The following TRAM2 variants were observed in gnomAD, a reference collection of about 807,000 sequenced individuals.
TRAM2 encodes the protein translocation associated membrane protein 2.
A neutral mutation model predicts 51.0 loss-of-function variants in TRAM2; 12 were observed. The observed-to-expected ratio is 0.24, with a 90% confidence interval of 0.15 to 0.38. TRAM2 has a LOEUF of 0.38. Among genes scored for constraint, TRAM2 ranks in the 10% least tolerant of loss-of-function variants. The pLI, the probability that TRAM2 is intolerant of heterozygous loss-of-function variation, is 1.00. For synonymous variants in TRAM2, 175 were observed against 179.4 expected, an observed-to-expected ratio of 0.98 and a Z score of 0.20; for missense variants, 361 against 462.0, an observed-to-expected ratio of 0.78 and a Z score of 2.00.
At chr6:52,572,160 C>A (rs149538207) in intron 1 of TRAM2, among the ~76,000 whole-genome samples, 6 of 152,188 alleles carry the variant, frequency 3.9e-5, no homozygotes, top group African/African-American at 7.2e-5. Context: ...AGAACAAGAG[C>A]GCTCAAGAGA....
At chr6:52,557,108 G>T (rs553050439) in intron 1 of TRAM2, among the ~76,000 whole-genome samples, 2 of 151,786 alleles carry the variant, frequency 1.3e-5, no homozygotes, top group Non-Finnish European at 2.9e-5. Flanking sequence ...CAGGAGAATC[G>T]CATGGGCCTG....
At chr6:52,503,351 G>A in intron 10 of TRAM2, 81 bp from the exon 11 acceptor site, 3 of 1,339,008 alleles carry the variant, frequency 2.2e-6, no homozygotes, top group Non-Finnish European at 3.2e-6. Flanking sequence ...GCCAGGCCAA[G>A]GAAGGGGCCC....
chr6:52,503,355 G>A, intron 10 of TRAM2, 85 bp from the exon 11 acceptor site: 1 of 1,279,786 alleles, frequency 7.8e-7, no homozygotes, highest in African/African-American at 1.5e-5. Context: ...GGCCAAGGAA[G>A]GGGCCCGGGC....
At chr6:52,554,097 G>A (rs925290616) in intron 1 of TRAM2, among the ~76,000 whole-genome samples, 1 of 152,034 alleles carries the variant, frequency 6.6e-6, no homozygotes, top group Non-Finnish European at 1.5e-5. Flanking sequence ...TGAGCAAGAG[G>A]CTCTCCCAGG....
chr6:52,507,621 C>A lies in TRAM2; in HGVS notation c.558G>T (p.Glu186Asp). 1 of 1,614,078 alleles carries A rather than the reference C, an allele frequency of 6.2e-7. No homozygotes were observed. The highest frequency in any genetic ancestry group is 8.5e-7 in the Non-Finnish European group (1 of 1,179,996). The change falls in exon 7 of 11, where the codon GAG becomes GAT. Residue 186 changes from glutamate to aspartate, a missense_variant and splice_region_variant. Coordinates refer to ENST00000182527, the MANE Select transcript of TRAM2 (RefSeq NM_012288.4). The stretch of plus-strand genomic sequence containing the variant: ...TATACTGGAGCTGGCGGGGAATTTC[C>A]TCCTGGAAACAAGAGAAGCAGATGG... ...PELYFQKVRK[E>D]EIPRQLQYIC...
intron 1 of TRAM2, among the ~76,000 whole-genome samples, chr6:52,537,069 C>G (rs1766986984): frequency 6.6e-6 from 1 of 152,180 alleles, no homozygotes; most frequent in East Asian, 1.9e-4. Context: ...CAACCCTCTC[C>G]TTTAAAGAGC....
chr6:52,503,171 G>A lies in TRAM2; in HGVS notation c.*26C>T, dbSNP rs370974185. 50 of 1,605,144 alleles carry A rather than the reference G, an allele frequency of 3.1e-5. No homozygotes were observed. Among genetic ancestry groups the A allele is most frequent in the Non-Finnish European group, 3.8e-5 (44 of 1,172,228 alleles). On this transcript the variant is annotated 3_prime_UTR_variant, in exon 11 of 11. Transcript: ENST00000182527. ...GCCCCCTGCTCGGCCCCCACCAAGA[G>A]GATTCCTGTTCTTAGCACTTTGGCC...
intron 1 of TRAM2, among the ~76,000 whole-genome samples, chr6:52,557,140 C>T (rs897187473): frequency 1.3e-5 from 2 of 151,440 alleles, no homozygotes; most frequent in Non-Finnish European, 2.9e-5. Flanking sequence ...CTGCAGTGAG[C>T]CAAGATCACA....
rs936039667 is a variant in TRAM2 at position 52,535,788 on chromosome 6, G to A, written c.179C>T (p.Thr60Ile). 1 of 1,613,624 alleles carries A rather than the reference G, an allele frequency of 6.2e-7. No homozygotes were observed. Among genetic ancestry groups the A allele is most frequent in the Non-Finnish European group, 8.5e-7 (1 of 1,179,580 alleles). The change falls in exon 2 of 11, where the codon ACA (threonine) becomes ATA (isoleucine). Residue 60 changes from threonine (T) to isoleucine (I), a missense_variant. Transcript: ENST00000182527. ...ILPQYNISVP[T>I]ADSETVHYHY... is the part of the protein sequence containing the mutation. ...TGGAGACCAGTGATTCTTACCTGCT[G>A]TAGGCACGCTAATGTTATACTGAGG...
chr6:52,520,236 G>A (rs1386676772), intron 2 of TRAM2, among the ~76,000 whole-genome samples: 1 of 152,202 alleles, frequency 6.6e-6, no homozygotes, highest in Non-Finnish European at 1.5e-5. Flanking sequence ...AGAAGGTTGG[G>A]GACCTGCAGA....
At position 52,569,382 on chromosome 6, in the gene TRAM2, T is replaced by G. The variant is rs1464256511; in HGVS notation, c.120+7414A>C. 6.6e-5 allele frequency among the ~76,000 whole-genome samples: 5 copies of G among 76,242 alleles called. No homozygotes were observed. The East Asian group carries it at 1.8e-3, about 28-fold the overall frequency. The allele number at this position is 76,242 out of a possible 152,430, so 50.0% of individuals were successfully genotyped here. ...TCCAGCCTGGGCGACAAAGCAAGAC[T>G]CCATTTAAAAAAAAAAAAAAAAAAA... On this transcript the variant is annotated intron_variant, in intron 1 of 10. Transcript: ENST00000182527.
chr6:52,574,521 AAAG>A (rs1297090432), intron 1 of TRAM2, among the ~76,000 whole-genome samples: 1 of 152,178 alleles, frequency 6.6e-6, no homozygotes, highest in Non-Finnish European at 1.5e-5. Flanking sequence ...AGTACCTCCA[AAAG>A]AAGGAGACAC....
intron 1 of TRAM2, among the ~76,000 whole-genome samples, chr6:52,570,161 G>T (rs1165866927): frequency 1.3e-5 from 2 of 152,198 alleles, no homozygotes; most frequent in Admixed American, 6.5e-5. Flanking sequence ...GATGATAAGG[G>T]CAGTAAAAAT....
intron 1 of TRAM2, among the ~76,000 whole-genome samples, chr6:52,569,192 C>T (rs1053819701): frequency 6.6e-6 from 1 of 152,042 alleles, no homozygotes; most frequent in African/African-American, 2.4e-5. Context: ...GTCAGGAGTT[C>T]GAGACCAGCC....
intron 1 of TRAM2, among the ~76,000 whole-genome samples, chr6:52,550,348 T>C (rs1294817883): frequency 6.6e-6 from 1 of 152,164 alleles, no homozygotes; most frequent in Non-Finnish European, 1.5e-5. Context: ...TAGAATGCTT[T>C]ACTGTTCCTT....
At chr6:52,530,620 G>GAAAA (rs1374082725) in intron 2 of TRAM2, among the ~76,000 whole-genome samples, 1 of 152,180 alleles carries the variant, frequency 6.6e-6, no homozygotes, top group Non-Finnish European at 1.5e-5. Context: ...CGCACACAGG[G>GAAAA]AGAAGTCCGT....
chr6:52,571,612 G>C (rs1399928343), intron 1 of TRAM2, among the ~76,000 whole-genome samples: 1 of 152,230 alleles, frequency 6.6e-6, no homozygotes. Flanking sequence ...TAATAAGATA[G>C]ATGTCAAAGA....
rs1335696629 is a variant in TRAM2, at chr6:52,500,244, A to G, written c.*2953T>C. On this transcript the variant is annotated 3_prime_UTR_variant, in exon 11 of 11. Transcript: ENST00000182527. Reference sequence around the variant, plus strand: ...ATGGCTTGGCACTTTGGGGCAGGAGAGAATGCATAAAACTGAAGAAAACAG... The same window carrying G: ...ATGGCTTGGCACTTTGGGGCAGGAGGGAATGCATAAAACTGAAGAAAACAG... 1 of 152,190 alleles carries G rather than the reference A, an allele frequency of 6.6e-6. No homozygotes were observed. Among genetic ancestry groups the G allele is most frequent in the Non-Finnish European group, 1.5e-5 (1 of 68,052 alleles). The allele number at this position is 152,190 out of a possible 1,614,324, so 9.4% of individuals were successfully genotyped here.
At chr6:52,506,210 C>T in intron 7 of TRAM2, 74 bp from the exon 8 acceptor site, 2 of 1,389,786 alleles carry the variant, frequency 1.4e-6, no homozygotes. Context: ...CATCTTGGCT[C>T]AGGCTGTCCC....
Sources: allele counts gnomAD v4.1 joint callset (sites outside exome capture counted in the v4.1 genomes callset), GRCh38; gene constraint gnomAD v4.1.1; transcripts MANE v1.5; gene names NCBI Gene and HGNC (gene_info 2026-07-23, HGNC 2026-07-21).